Variants in FOXN3 observed in about 807,000 individuals in gnomAD.
FOXN3 encodes the protein forkhead box protein N3.
A neutral mutation model predicts 38.4 loss-of-function variants in FOXN3; 7 were observed. The observed-to-expected ratio is 0.18, with a 90% CI of 0.10 to 0.34. The LOEUF (loss-of-function observed/expected upper bound fraction) is 0.34, where lower values mean the gene tolerates loss of function less well. FOXN3 is among the 10% of genes least tolerant of loss of function. FOXN3 has a pLI of 1.00. For synonymous variants in FOXN3, 230 were observed against 242.2 expected, an observed-to-expected ratio of 0.95 and a Z score of 0.47; for missense variants, 456 against 613.4, an observed-to-expected ratio of 0.74 and a Z score of 2.71.
intron 1 of FOXN3, among the ~76,000 whole-genome samples, chr14:89,518,445 C>A (rs1894251111): frequency 6.6e-6 from 1 of 152,108 alleles, no homozygotes; most frequent in South Asian, 2.1e-4. Context: ...CAAGCCAGGC[C>A]AATCAGATTA....
At chr14:89,407,243 G>A (rs1438856968) in intron 2 of FOXN3, among the ~76,000 whole-genome samples, 1 of 152,202 alleles carries the variant, frequency 6.6e-6, no homozygotes, top group Admixed American at 6.5e-5. Flanking sequence ...TATAGTGTAA[G>A]CCATGGGTCT....
intron 1 of FOXN3, among the ~76,000 whole-genome samples, chr14:89,564,599 A>G (rs1414609047): frequency 6.6e-6 from 1 of 152,206 alleles, no homozygotes; most frequent in Admixed American, 6.5e-5. Flanking sequence ...TAAAGTCTCC[A>G]AAAACCCTCT....
chr14:89,421,760 C>G (rs1418500156), upstream of FOXN3, among the ~76,000 whole-genome samples: 2 of 152,036 alleles, frequency 1.3e-5, no homozygotes, highest in Non-Finnish European at 1.5e-5. Context: ...AGCTGCCAAC[C>G]TCAGGTGATC....
At chr14:89,310,464 G>A (rs1255148700) in intron 3 of FOXN3, among the ~76,000 whole-genome samples, 1 of 152,198 alleles carries the variant, frequency 6.6e-6, no homozygotes, top group Non-Finnish European at 1.5e-5. Context: ...AAAGCTGCCC[G>A]ATTTTCATTG....
At chr14:89,528,376 CTTTT>C (rs55935162) in intron 1 of FOXN3, among the ~76,000 whole-genome samples, 250 of 53,440 alleles carry the variant, frequency 4.7e-3, no homozygotes, top group African/African-American at 0.014. Flanking sequence ...ATGGATGAAT[CTTTT>C]TTTTTTTTTT....
chr14:89,177,454 T>A (rs753038582), intron 5 of FOXN3, among the ~76,000 whole-genome samples: 1 of 152,124 alleles, frequency 6.6e-6, no homozygotes, highest in African/African-American at 2.4e-5. Flanking sequence ...CATCCTTTTG[T>A]AGTGGACAGA....
intron 2 of FOXN3, 64 bp from the exon 3 acceptor site, chr14:89,350,872 G>A (rs1456588708): frequency 8.4e-7 from 1 of 1,196,936 alleles, no homozygotes; most frequent in African/African-American, 1.6e-5. Flanking sequence ...GCAATAAGTA[G>A]ATGTATAGCT....
intron 1 of FOXN3, among the ~76,000 whole-genome samples, chr14:89,516,528 G>A (rs547547083): frequency 1.7e-4 from 25 of 150,706 alleles, no homozygotes; most frequent in South Asian, 8.4e-4. Context: ...GCAAAGTTCC[G>A]TGCTAGGCAC....
At position 89,391,828 on chromosome 14, in the gene FOXN3, A is replaced by G. The variant is rs150220129; in HGVS notation, c.543+20106T>C. Among the ~76,000 whole-genome samples the G allele has an allele frequency of 3.3e-3, 510 of 152,264 alleles. 1 individual carries two copies. The highest frequency in any genetic ancestry group is 0.01 in the African/African-American group (432 of 41,552). ...AAGACCAACCTGGGCAACATGGCCA[A>G]ACCCCATCTCTACTAAAATGTAAAA... On this transcript the variant is annotated intron_variant, in intron 2 of 5. Coordinates refer to ENST00000557258, the MANE Select transcript of FOXN3 (RefSeq NM_005197.4).
At chr14:89,317,917 G>A (rs761202038) in intron 3 of FOXN3, among the ~76,000 whole-genome samples, 15 of 148,890 alleles carry the variant, frequency 1.0e-4, no homozygotes, top group Non-Finnish European at 1.6e-4. Context: ...TCTAGGATGC[G>A]CGCTCCTTAT....
intron 1 of FOXN3, among the ~76,000 whole-genome samples, chr14:89,519,803 A>C (rs1894282365): frequency 6.6e-6 from 1 of 152,296 alleles, no homozygotes; most frequent in South Asian, 2.1e-4. Flanking sequence ...AAAGGAGTGG[A>C]CAGTATGTTT....
At chr14:89,610,894 CATGTGAAAT>C (rs1357611812) in intron 1 of FOXN3, among the ~76,000 whole-genome samples, 2 of 152,204 alleles carry the variant, frequency 1.3e-5, no homozygotes, top group African/African-American at 2.4e-5. Flanking sequence ...TAATTTCATA[CATGTGAAAT>C]ATGTGAAATC....
chr14:89,563,427 A>T (rs1297645874), intron 1 of FOXN3, among the ~76,000 whole-genome samples: 1 of 152,212 alleles, frequency 6.6e-6, no homozygotes, highest in East Asian at 1.9e-4. Flanking sequence ...TCCATGATGG[A>T]AGACAGGTCT....
At chr14:89,415,883 C>CACACACACA (rs60129607) in intron 1 of FOXN3, among the ~76,000 whole-genome samples, 23 of 148,268 alleles carry the variant, frequency 1.6e-4, no homozygotes, top group South Asian at 8.8e-4. Context: ...CACACACACA[C>CACACACACA]CCTCTTTTGT....
At chr14:89,583,058 G>C (rs1004577729) in intron 1 of FOXN3, among the ~76,000 whole-genome samples, 1 of 152,168 alleles carries the variant, frequency 6.6e-6, no homozygotes, top group African/African-American at 2.4e-5. Flanking sequence ...TGTAAATAAA[G>C]CTGCTATGAA....
chr14:89,492,224 C>T (rs1014051395), intron 1 of FOXN3, among the ~76,000 whole-genome samples: 2 of 152,178 alleles, frequency 1.3e-5, no homozygotes, highest in African/African-American at 4.8e-5. Flanking sequence ...GCTATTTGGT[C>T]CCCTCAGCCT....
intron 1 of FOXN3, among the ~76,000 whole-genome samples, chr14:89,516,559 G>GTT (rs546187742): frequency 0.25 from 31,871 of 129,030 alleles, 4,466 homozygotes; most frequent in Non-Finnish European, 0.32. Flanking sequence ...GCTGCCAGTA[G>GTT]TTTTTTTTTT....
intron 1 of FOXN3, among the ~76,000 whole-genome samples, chr14:89,591,375 A>G (rs1185305528): frequency 8.5e-5 from 13 of 152,206 alleles, no homozygotes; most frequent in African/African-American, 3.1e-4. Context: ...TACATCCCCT[A>G]CACAGGAGAT....
At chr14:89,367,629 G>A (rs1005184803) in intron 2 of FOXN3, among the ~76,000 whole-genome samples, 1 of 152,150 alleles carries the variant, frequency 6.6e-6, no homozygotes, top group African/African-American at 2.4e-5. Context: ...GACAGAACGG[G>A]GGTTGGACGC....
Sources: allele counts gnomAD v4.1 joint callset (sites outside exome capture counted in the v4.1 genomes callset), GRCh38; gene constraint gnomAD v4.1.1; transcripts MANE v1.5; gene names NCBI Gene and HGNC (gene_info 2026-07-23, HGNC 2026-07-21).